Variants in TTC39A observed in about 807,000 individuals in gnomAD.
TTC39A encodes the protein tetratricopeptide repeat domain 39A.
In TTC39A, 46 loss-of-function variants were observed where a neutral mutation model predicts 82.3. That is an observed-to-expected ratio of 0.56 (90% CI 0.44 to 0.71). The LOEUF is 0.71. Among genes scored for constraint, TTC39A ranks in the 30% least tolerant of loss-of-function variants. The probability of loss-of-function intolerance (pLI) is 0.00; values close to 1 mark genes in which losing one functional copy is unlikely to be tolerated. For missense variants in TTC39A, 543 were observed against 712.9 expected, an observed-to-expected ratio of 0.76 and a Z score of 2.71; for synonymous variants, 254 against 275.2, an observed-to-expected ratio of 0.92 and a Z score of 0.76.
rs147374406 is a variant in TTC39A at position 51,309,519 on chromosome 1, C to T, written c.424-194G>A. On this transcript the variant is annotated intron_variant, in intron 5 of 17. Coordinates refer to ENST00000680483, the MANE Select transcript of TTC39A (RefSeq NM_001297663.2). ...TCTAAAATGCCCAGGGTTGGACCAGCCTCCCAGGTACACATACTCTGTGCT... is the reference window on the plus strand; with the variant it reads ...TCTAAAATGCCCAGGGTTGGACCAGTCTCCCAGGTACACATACTCTGTGCT... The T allele has an allele frequency of 4.2e-3, 5,664 of 1,345,670 alleles. 18 individuals carry two copies. The highest frequency in any genetic ancestry group is 6.1e-3 in the African/African-American group (411 of 67,122). The allele number at this position is 1,345,670 out of a possible 1,614,324, so 83.4% of individuals were successfully genotyped here.
chr1:51,309,142 C>G, intron 6 of TTC39A, 119 bp downstream of exon 6: 1 of 1,250,096 alleles, frequency 8.0e-7, no homozygotes, highest in East Asian at 2.7e-5. Flanking sequence ...CAACAGCAGT[C>G]TACTAGGTTC....
intron 1 of TTC39A, among the ~76,000 whole-genome samples, chr1:51,344,577 AT>A (rs1646074181): frequency 1.3e-5 from 2 of 152,208 alleles, no homozygotes; most frequent in South Asian, 4.1e-4. Flanking sequence ...CCCTGGCTTC[AT>A]CTGTCCGGGC....
chr1:51,344,613 A>G (rs1314000518), intron 1 of TTC39A, among the ~76,000 whole-genome samples: 1 of 152,232 alleles, frequency 6.6e-6, no homozygotes, highest in East Asian at 1.9e-4. Context: ...CACTTGGCTC[A>G]TGCAGACCTG....
chr1:51,290,170 A>G (rs1644149988), intron 15 of TTC39A, 51 bp from the exon 16 acceptor site: 1 of 1,550,594 alleles, frequency 6.4e-7, no homozygotes, highest in African/African-American at 1.4e-5. Context: ...TTTCTGCAGC[A>G]GTTACTTATG....
chr1:51,315,018 A>G (rs947225977), intron 2 of TTC39A, among the ~76,000 whole-genome samples: 1 of 151,742 alleles, frequency 6.6e-6, no homozygotes, highest in Non-Finnish European at 1.5e-5. Flanking sequence ...CATCCCCCAG[A>G]TAACACCCCC....
intron 2 of TTC39A, among the ~76,000 whole-genome samples, chr1:51,313,296 C>T (rs1486489576): frequency 6.6e-6 from 1 of 152,092 alleles, no homozygotes. Flanking sequence ...CAGTGCCACC[C>T]TCTTGCCTTC....
upstream of TTC39A, among the ~76,000 whole-genome samples, chr1:51,333,617 C>T (rs1645938997): frequency 6.6e-6 from 1 of 152,238 alleles, no homozygotes; most frequent in South Asian, 2.1e-4. Context: ...GGAAGCCCTC[C>T]CTCCATAGAT....
chr1:51,318,490 A>G (rs1569942358), intron 2 of TTC39A, among the ~76,000 whole-genome samples: 1 of 152,192 alleles, frequency 6.6e-6, no homozygotes, highest in East Asian at 1.9e-4. Flanking sequence ...CACGCCCTGG[A>G]ACACCCACCC....
intron 9 of TTC39A, 144 bp downstream of exon 9, chr1:51,302,940 C>T (rs777433920): frequency 3.5e-5 from 26 of 751,306 alleles, no homozygotes; most frequent in Non-Finnish European, 5.5e-5. Context: ...AGGCCAGTCC[C>T]CAGGACAGTG....
chr1:51,301,027 A>C (rs141387153), intron 12 of TTC39A: 3 of 152,496 alleles, frequency 2.0e-5, no homozygotes, highest in African/African-American at 7.2e-5. Flanking sequence ...ACAAATGGAA[A>C]GACCAAGCCA....
intron 1 of TTC39A, among the ~76,000 whole-genome samples, chr1:51,338,991 C>G (rs1646005267): frequency 6.6e-6 from 1 of 152,176 alleles, no homozygotes; most frequent in Non-Finnish European, 1.5e-5. Flanking sequence ...AGCAATTGCC[C>G]ACATACTCAT....
upstream of TTC39A, among the ~76,000 whole-genome samples, chr1:51,333,630 G>T (rs1328003861): frequency 6.6e-6 from 1 of 152,186 alleles, no homozygotes; most frequent in Non-Finnish European, 1.5e-5. Context: ...CCATAGATGG[G>T]TCAGGGGCTC....
chr1:51,324,082 G>A (rs1278669819), intron 1 of TTC39A, among the ~76,000 whole-genome samples: 1 of 152,170 alleles, frequency 6.6e-6, no homozygotes, highest in African/African-American at 2.4e-5. Flanking sequence ...TAAGTTTATG[G>A]TTTCCAGGAC....
chr1:51,325,564 A>AC (rs981807709), intron 1 of TTC39A, among the ~76,000 whole-genome samples: 40 of 151,768 alleles, frequency 2.6e-4, no homozygotes, highest in African/African-American at 7.0e-4. Flanking sequence ...TGGGATTATT[A>AC]CCCCCCCACA....
chr1:51,327,419 C>T (rs1353862448), intron 1 of TTC39A, among the ~76,000 whole-genome samples: 4 of 152,182 alleles, frequency 2.6e-5, no homozygotes, highest in Admixed American at 6.5e-5. Flanking sequence ...CTTAGCTGCA[C>T]ATAAATGTGT....
intron 2 of TTC39A, among the ~76,000 whole-genome samples, chr1:51,318,033 G>A (rs1300569976): frequency 2.0e-5 from 3 of 152,192 alleles, no homozygotes; most frequent in Admixed American, 1.3e-4. Context: ...CCCAGGCACA[G>A]CCACAGCCTT....
At chr1:51,337,231 C>T (rs1159273989) in intron 1 of TTC39A, among the ~76,000 whole-genome samples, 1 of 152,044 alleles carries the variant, frequency 6.6e-6, no homozygotes, top group African/African-American at 2.4e-5. Flanking sequence ...CCTTTATTCC[C>T]TCTCTTATTT....
At position 51,288,365 on chromosome 1, in the gene TTC39A, G is replaced by C. The variant is rs955417880; in HGVS notation, c.1611-85C>G. ...CCTGTTTGAGCTGTATGAGCCCCGC[G>C]AGCCAAGGAAGGATTGTAGAGAAAT... On this transcript the variant is annotated intron_variant, in intron 17 of 17. Transcript: ENST00000680483. The surrounding 1 kb of genome is among the most constrained non-coding windows in gnomAD (Gnocchi z 4.8). 1.3e-6 allele frequency: 2 copies of C among 1,589,476 alleles called. No homozygotes were observed. The highest frequency in any genetic ancestry group is 1.3e-5 in the African/African-American group (1 of 74,518).
At chr1:51,309,693 G>T (rs1229188694) in intron 5 of TTC39A, among the ~76,000 whole-genome samples, 1 of 152,134 alleles carries the variant, frequency 6.6e-6, no homozygotes, top group African/African-American at 2.4e-5. Context: ...TAAATGTAAA[G>T]CTCTGTTGCC....
Sources: gnomAD v4.1 joint callset for allele counts (sites outside exome capture counted in the v4.1 genomes callset) on GRCh38, gnomAD v4.1.1 for gene constraint, Gnocchi (gnomAD v3.1) non-coding constraint, MANE v1.5 for transcripts, NCBI Gene and HGNC (gene_info 2026-07-23, HGNC 2026-07-21) for gene names.